F13B: variants seen among roughly 807,000 people sequenced by gnomAD.
F13B encodes TGase.
Under a neutral mutation model 79.8 loss-of-function variants are expected in F13B, and 58 were observed. That is an observed-to-expected ratio of 0.73 (90% confidence interval 0.59 to 0.90). The LOEUF (loss-of-function observed/expected upper bound fraction) is 0.90. F13B is among the 40% of genes least tolerant of loss of function. F13B has a pLI of 0.00. For synonymous variants in F13B, 283 were observed against 260.3 expected, an observed-to-expected ratio of 1.09 and a Z score of -0.84; for missense variants, 773 against 777.0, an observed-to-expected ratio of 0.99 and a Z score of 0.06.
In F13B at chr1:197,055,989, A is replaced by T; in HGVS notation, c.1172-92T>A. On this transcript the variant is annotated intron_variant, in intron 7 of 11. Transcript: ENST00000367412. ...TAGTGTCTCGATATTTGTATTATAT[A>T]ATTTAGGACAATTGTTTTATAAATT... is the stretch of plus-strand genomic sequence containing the variant. The T allele has an allele frequency of 5.5e-6, 6 of 1,089,042 alleles. 1 individual carries two copies. The South Asian group carries it at 9.4e-5, about 17-fold the overall frequency. The allele number at this position is 1,089,042 out of a possible 1,614,324, so 67.5% of individuals were successfully genotyped here. A position where few individuals can be genotyped will look rare whatever the true frequency, so the allele number is the denominator to read the frequency against.
At chr1:197,055,634 C>T (rs1373867229) in intron 8 of F13B, 81 bp downstream of exon 8, 1 of 1,419,678 alleles carries the variant, frequency 7.0e-7, no homozygotes, top group Non-Finnish European at 9.9e-7. Context: ...TGTACAAAAT[C>T]ATCATTTTCA....
chr1:197,066,641 G>T (rs1656061206), intron 1 of F13B, among the ~76,000 whole-genome samples: 1 of 152,060 alleles, frequency 6.6e-6, no homozygotes, highest in Non-Finnish European at 1.5e-5. Context: ...CAATTATATG[G>T]TTCACCTACT....
chr1:197,044,310 C>T (rs535333171), intron 10 of F13B, among the ~76,000 whole-genome samples: 1 of 152,076 alleles, frequency 6.6e-6, no homozygotes, highest in East Asian at 1.9e-4. Context: ...GACACGACAG[C>T]GTTATGGGGG....
Position 197,055,762 on chromosome 1 carries a change from A to T in F13B, c.1307T>A (p.Ile436Lys). The T allele has an allele frequency of 6.2e-7, 1 of 1,613,602 alleles. No homozygotes were observed. The highest frequency in any genetic ancestry group is 8.5e-7 in the Non-Finnish European group (1 of 1,179,750). The change falls in exon 8 of 12, where the codon ATA becomes AAA. Residue 436 changes from isoleucine (I) to lysine (K), a missense_variant. Transcript: ENST00000367412. Reference sequence around the variant, plus strand: ...CCATTTTCCTTGTTCGCAACGAGATATTTTTGATCCCCTCAGTAAGTAATA... The same window carrying T: ...CCATTTTCCTTGTTCGCAACGAGATTTTTTTGATCCCCTCAGTAAGTAATA... The part of the protein sequence containing the change: ...NEYYLLRGSK[I>K]SRCEQGKWSS...
intron 1 of F13B, among the ~76,000 whole-genome samples, chr1:197,064,787 T>C (rs114985094): frequency 6.6e-6 from 1 of 152,210 alleles, no homozygotes; most frequent in Non-Finnish European, 1.5e-5. Context: ...CTTAAAGTCA[T>C]AAAAACACTT....
At chr1:197,058,344 C>A (rs1655724257) in intron 5 of F13B, among the ~76,000 whole-genome samples, 2 of 152,152 alleles carry the variant, frequency 1.3e-5, no homozygotes, top group African/African-American at 4.8e-5. Flanking sequence ...CCTATTGCTG[C>A]TTTGATGAAT....
chr1:197,053,253 A>C (rs1655516728), intron 8 of F13B, among the ~76,000 whole-genome samples: 1 of 152,156 alleles, frequency 6.6e-6, no homozygotes, highest in Admixed American at 6.6e-5. Flanking sequence ...TAATAAAGAC[A>C]TGAATTGTAT....
At chr1:197,049,255 AT>A (rs1655353187) in intron 10 of F13B, among the ~76,000 whole-genome samples, 1 of 152,038 alleles carries the variant, frequency 6.6e-6, no homozygotes, top group Non-Finnish European at 1.5e-5. Context: ...AAGAAAGGAA[AT>A]AATAAAGATA....
chr1:197,041,355 G>C (rs1268481650), intron 10 of F13B, among the ~76,000 whole-genome samples: 2 of 152,056 alleles, frequency 1.3e-5, no homozygotes, highest in Non-Finnish European at 2.9e-5. Context: ...GTAAACCAAA[G>C]AGAATGGTAA....
chr1:197,053,094 A>G (rs1192363232), intron 8 of F13B, among the ~76,000 whole-genome samples: 2 of 152,024 alleles, frequency 1.3e-5, no homozygotes, highest in Non-Finnish European at 2.9e-5. Context: ...AATCAGTTAG[A>G]TTAATAATAA....
rs1208783778 is a variant in F13B, at chr1:197,040,837, T to C, written c.1739-102A>G. On this transcript the variant is annotated intron_variant, in intron 10 of 11. Coordinates refer to ENST00000367412, the MANE Select transcript of F13B (RefSeq NM_001994.3). ...GTTGTGTTGCCTACTCATGAGGACCTTAAAATTCTCAGGCCTAAGAGCAGC... is the reference window on the plus strand; with the variant it reads ...GTTGTGTTGCCTACTCATGAGGACCCTAAAATTCTCAGGCCTAAGAGCAGC... 3.4e-6 allele frequency: 3 copies of C among 891,502 alleles called. No homozygotes were observed. The African/African-American group carries it at 5.1e-5, about 15-fold the overall frequency. 55.2% of individuals were successfully genotyped at this position (891,502 alleles called of 1,614,324 possible).
At chr1:197,054,061 C>T (rs1317267007) in intron 8 of F13B, among the ~76,000 whole-genome samples, 2 of 151,994 alleles carry the variant, frequency 1.3e-5, no homozygotes, top group Non-Finnish European at 2.9e-5. Context: ...GTACTGATAG[C>T]CTTTCCAGTT....
At chr1:197,042,048 A>T (rs997235446) in intron 10 of F13B, among the ~76,000 whole-genome samples, 2 of 152,234 alleles carry the variant, frequency 1.3e-5, no homozygotes, top group African/African-American at 4.8e-5. Context: ...TTTAAAATTT[A>T]TAAGTTGTTT....
chr1:197,040,517 C>G lies in F13B; in HGVS notation c.1952+5G>C. On this transcript the variant is annotated splice_donor_5th_base_variant and intron_variant, in intron 11 of 11. Transcript: ENST00000367412. ...TAATCTGACCAAAAAAAAAAAACTT[C>G]TTACCTTTGTCTTGGAATACATCTT... The G allele has an allele frequency of 6.3e-7, 1 of 1,595,160 alleles. No homozygotes were observed. Among genetic ancestry groups the G allele is most frequent in the Non-Finnish European group, 8.6e-7 (1 of 1,166,330 alleles).
chr1:197,050,339 T>G (rs543242619), intron 10 of F13B, among the ~76,000 whole-genome samples: 1 of 152,170 alleles, frequency 6.6e-6, no homozygotes, highest in African/African-American at 2.4e-5. Flanking sequence ...TGTCCATTTC[T>G]TTATTTCCGC....
At chr1:197,045,633 A>C (rs568043642) in intron 10 of F13B, among the ~76,000 whole-genome samples, 1 of 152,360 alleles carries the variant, frequency 6.6e-6, no homozygotes, top group South Asian at 2.1e-4. Flanking sequence ...CAATAGAAAA[A>C]GAGGGAATCC....
chr1:197,059,971 C>T lies in F13B; in HGVS notation c.805+395G>A, dbSNP rs557036972. ...TTTTCCTGCTTTCTCTGCTTTCTAC[C>T]TCACTATTTTGGAGATTAATTTTTA... On this transcript the variant is annotated intron_variant, in intron 5 of 11. Coordinates refer to ENST00000367412, the MANE Select transcript of F13B (RefSeq NM_001994.3). Among the ~76,000 whole-genome samples, 4 of 152,120 alleles carry T rather than the reference C, an allele frequency of 2.6e-5. No individual in the cohort carries two copies. In the East Asian group the frequency reaches 7.7e-4, roughly 29 times the overall value.
At chr1:197,048,148 G>GTA (rs10640299) in intron 10 of F13B, among the ~76,000 whole-genome samples, 7,806 of 150,014 alleles carry the variant, frequency 0.052, 647 homozygotes, top group African/African-American at 0.18. Flanking sequence ...ATATATATGT[G>GTA]TATATATATA....
chr1:197,050,631 C>G, intron 10 of F13B, 66 bp downstream of exon 10: 1 of 1,449,902 alleles, frequency 6.9e-7, no homozygotes, highest in South Asian at 1.2e-5. Context: ...TATGTTAACT[C>G]AAAAATGACA....
Sources: gnomAD v4.1 joint callset for allele counts (sites outside exome capture counted in the v4.1 genomes callset) on GRCh38, gnomAD v4.1.1 for gene constraint, MANE v1.5 for transcripts, NCBI Gene and HGNC (gene_info 2026-07-23, HGNC 2026-07-21) for gene names.